Variants in TNFRSF25 observed in about 807,000 individuals in gnomAD.
TNFRSF25 encodes the protein TNF receptor superfamily member 25, also known as tumor necrosis factor receptor superfamily member 25.
A neutral mutation model predicts 49.4 loss-of-function variants in TNFRSF25; 28 were observed. The observed-to-expected ratio is 0.57, with a 90% confidence interval of 0.42 to 0.78. The LOEUF is 0.78. Among genes scored for constraint, TNFRSF25 ranks in the 30% least tolerant of loss-of-function variants. TNFRSF25 has a pLI of 0.00. For synonymous variants in TNFRSF25, 240 were observed against 234.2 expected (o/e 1.02, Z -0.23); for missense variants, 531 against 581.6 (o/e 0.91, Z 0.90).
Position 6,464,736 on chromosome 1 carries a change from G to A in TNFRSF25, c.296-17C>T. 6.2e-7 allele frequency: 1 copy of A among 1,610,130 alleles called. No individual in the cohort carries two copies. The highest frequency in any genetic ancestry group is 8.5e-7 in the Non-Finnish European group (1 of 1,177,616). ...CCTGGGAGGCTGGTGGGGGTGCAGG[G>A]AGATGGGGAGTGGAGAGTTAGTCAG... On this transcript the variant is annotated splice_polypyrimidine_tract_variant and intron_variant, in intron 3 of 9. Coordinates refer to ENST00000356876, the MANE Select transcript of TNFRSF25 (RefSeq NM_003790.3).
chr1:6,462,237 G>A lies in TNFRSF25; in HGVS notation c.745-63C>T. On this transcript the variant is annotated intron_variant, in intron 8 of 9. Transcript: ENST00000356876. This position sits in a 1 kb window ranked among gnomAD's most constrained non-coding sequence, Gnocchi z 4.2. ...CCAAGTAAGGCCCCTTACCCGCAGT[G>A]CCTCTCCAGGAGGGGACAGTCCCTG... 1 of 1,534,796 alleles carries A rather than the reference G, an allele frequency of 6.5e-7. No homozygotes were observed. Among genetic ancestry groups the A allele is most frequent in the Non-Finnish European group, 8.8e-7 (1 of 1,141,212 alleles).
intron 1 of TNFRSF25, 81 bp downstream of exon 1, chr1:6,465,988 A>T: frequency 6.6e-7 from 1 of 1,511,330 alleles, no homozygotes; most frequent in Non-Finnish European, 8.9e-7. Context: ...TGGAGTGGAG[A>T]CGCGCCCGGG....
At position 6,461,912 on chromosome 1, in the gene TNFRSF25, A is replaced by G; in HGVS notation, c.925+82T>C. 2.0e-6 allele frequency: 3 copies of G among 1,520,646 alleles called. No individual in the cohort carries two copies. Among genetic ancestry groups the G allele is most frequent in the Non-Finnish European group, 2.6e-6 (3 of 1,138,538 alleles). 94.2% of individuals were successfully genotyped at this position (1,520,646 alleles called of 1,614,324 possible). On this transcript the variant is annotated intron_variant, in intron 9 of 9. Transcript: ENST00000356876. This position sits in a 1 kb window ranked among gnomAD's most constrained non-coding sequence, Gnocchi z 6.3. Reference sequence around the variant, plus strand: ...CGGACTCCGTCAGTTAGGGGGCAGAAAGGGAACACGTTGTGAAACCACAAC... The same window carrying G: ...CGGACTCCGTCAGTTAGGGGGCAGAGAGGGAACACGTTGTGAAACCACAAC...
At chr1:6,464,004 GCCC>G (rs934103000) in intron 5 of TNFRSF25, 2 of 468,428 alleles carry the variant, frequency 4.3e-6, no homozygotes, top group Admixed American at 5.3e-5. Flanking sequence ...TCGCTCTGTT[GCCC>G]AGGCTGAAGT....
intron 5 of TNFRSF25, 151 bp downstream of exon 5, chr1:6,464,224 T>C (rs1022653765): frequency 1.3e-6 from 2 of 1,483,100 alleles, no homozygotes; most frequent in Non-Finnish European, 1.8e-6. Flanking sequence ...CATCTAAGTT[T>C]GCCTGAAGTG....
chr1:6,460,834 A>ATCTC lies in TNFRSF25; in HGVS notation c.*599_*600insGAGA. 1 of 254,986 alleles carries ATCTC rather than the reference A, an allele frequency of 3.9e-6. No homozygotes were observed. Among genetic ancestry groups the ATCTC allele is most frequent in the Admixed American group, 5.2e-5 (1 of 19,166 alleles). 15.8% of individuals were successfully genotyped at this position (254,986 alleles called of 1,614,324 possible). On this transcript the variant is annotated 3_prime_UTR_variant, in exon 10 of 10. Coordinates refer to ENST00000356876, the MANE Select transcript of TNFRSF25 (RefSeq NM_003790.3). ...TTCACTGCCCCGGTGGAGTGAATAG[A>ATCTC]GGATGAGGGGCCCTGACCCTGTGTC...
intron 2 of TNFRSF25, 62 bp downstream of exon 2, chr1:6,465,378 C>T: frequency 6.3e-7 from 1 of 1,595,414 alleles, no homozygotes; most frequent in Non-Finnish European, 8.6e-7. Flanking sequence ...ACCTCCCGGG[C>T]CTGCCCGCCA....
rs759861659 is a variant in TNFRSF25, at chr1:6,461,989, C to T, written c.925+5G>A. 6.2e-7 allele frequency: 1 copy of T among 1,603,306 alleles called. No homozygotes were observed. Among genetic ancestry groups the T allele is most frequent in the Non-Finnish European group, 8.5e-7 (1 of 1,176,050 alleles). On this transcript the variant is annotated splice_donor_5th_base_variant and intron_variant, in intron 9 of 9. Transcript: ENST00000356876. The surrounding 1 kb of genome is among the most constrained non-coding windows in gnomAD (Gnocchi z 6.3). ...TCAAGGCCTCAGGCCACTGATGTCC[C>T]TTACCAAGAGCTCTGCTGGGCAACT...
chr1:6,465,018 C>T (rs966810958), intron 3 of TNFRSF25, 70 bp downstream of exon 3: 12 of 1,556,384 alleles, frequency 7.7e-6, no homozygotes, highest in East Asian at 2.2e-5. Flanking sequence ...AGTTTGGGCC[C>T]GAGCCAGCCA....
chr1:6,463,486 G>A (rs1024479354), intron 5 of TNFRSF25: 6 of 243,014 alleles, frequency 2.5e-5, no homozygotes, highest in African/African-American at 9.0e-5. Flanking sequence ...CAGCACTTTG[G>A]GAGGCCAAGG....
At chr1:6,464,797 CCCAA>C in intron 3 of TNFRSF25, 78 bp from the exon 4 acceptor site, 1 of 1,526,250 alleles carries the variant, frequency 6.6e-7, no homozygotes, top group Non-Finnish European at 8.9e-7. Flanking sequence ...GAGGCATTAT[CCCAA>C]GATAATGGAG....
intron 3 of TNFRSF25, 145 bp from the exon 4 acceptor site, chr1:6,464,864 A>C (rs1004216535): frequency 9.7e-6 from 12 of 1,232,850 alleles, no homozygotes; most frequent in South Asian, 1.5e-5. Flanking sequence ...AAAAGAGAGA[A>C]GCTCAGAGAT....
chr1:6,463,464 T>A (rs2986757), intron 5 of TNFRSF25: 1 of 308,798 alleles, frequency 3.2e-6, no homozygotes, highest in East Asian at 6.9e-5. Context: ...CGGTGGCTCA[T>A]GCCTGTAATC....
In TNFRSF25 at chr1:6,462,528, G is replaced by C; in HGVS notation, c.744+101C>G. On this transcript the variant is annotated intron_variant, in intron 8 of 9. Coordinates refer to ENST00000356876, the MANE Select transcript of TNFRSF25 (RefSeq NM_003790.3). This position sits in a 1 kb window ranked among gnomAD's most constrained non-coding sequence, Gnocchi z 4.2. The stretch of plus-strand genomic sequence containing the variant: ...TGCTCCCAACACCTCTGTCCACTAG[G>C]GCTACCCGGTGCTGGCCGCGTGCCA... The C allele has an allele frequency of 6.4e-7, 1 of 1,551,538 alleles. No homozygotes were observed. The highest frequency in any genetic ancestry group is 8.7e-7 in the Non-Finnish European group (1 of 1,150,308).
At chr1:6,465,807 C>A in intron 1 of TNFRSF25, 1 of 1,424,536 alleles carries the variant, frequency 7.0e-7, no homozygotes, top group Non-Finnish European at 9.1e-7. Context: ...AGGAATCCAG[C>A]AGCGCCCCCA....
Position 6,462,619 on chromosome 1 carries a change from A to G in TNFRSF25, c.744+10T>C, listed in dbSNP as rs369691081. 13 of 1,612,602 alleles carry G rather than the reference A, an allele frequency of 8.1e-6. No homozygotes were observed. The African/African-American group carries it at 1.5e-4, about 18-fold the overall frequency. ...GAAGGCAGCCCAGAATCACACAGTG[A>G]GGTTCTTACCGGTGGTGGGGTCAGA... On this transcript the variant is annotated intron_variant, in intron 8 of 9. Transcript: ENST00000356876. The surrounding 1 kb of genome is among the most constrained non-coding windows in gnomAD (Gnocchi z 4.2).
intron 4 of TNFRSF25, 21 bp downstream of exon 4, chr1:6,464,531 G>A (rs371918747): frequency 2.5e-6 from 4 of 1,613,868 alleles, no homozygotes; most frequent in Non-Finnish European, 3.4e-6. Flanking sequence ...GGAGTAGAGA[G>A]CCCTGGGTGG....
chr1:6,462,253 A>T lies in TNFRSF25; in HGVS notation c.745-79T>A, dbSNP rs561422399. The T allele has an allele frequency of 6.6e-7, 1 of 1,507,986 alleles. No individual in the cohort carries two copies. Among genetic ancestry groups the T allele is most frequent in the African/African-American group, 1.4e-5 (1 of 71,830 alleles). 93.4% of individuals were successfully genotyped at this position (1,507,986 alleles called of 1,614,324 possible). A position where few individuals can be genotyped will look rare whatever the true frequency, so the allele number is the denominator to read the frequency against. On this transcript the variant is annotated intron_variant, in intron 8 of 9. Coordinates refer to ENST00000356876, the MANE Select transcript of TNFRSF25 (RefSeq NM_003790.3). This position sits in a 1 kb window ranked among gnomAD's most constrained non-coding sequence, Gnocchi z 4.2. Reference sequence around the variant, plus strand: ...ACCCGCAGTGCCTCTCCAGGAGGGGACAGTCCCTGGTTCAGTCAGCAGACA... The same window carrying T: ...ACCCGCAGTGCCTCTCCAGGAGGGGTCAGTCCCTGGTTCAGTCAGCAGACA...
At chr1:6,464,858 G>C (rs931361849) in intron 3 of TNFRSF25, 139 bp from the exon 4 acceptor site, 1 of 1,251,044 alleles carries the variant, frequency 8.0e-7, no homozygotes, top group Non-Finnish European at 1.1e-6. Context: ...CCCTAAAAAA[G>C]AGAGAAGCTC....
Sources: gnomAD v4.1 joint callset for allele counts on GRCh38, gnomAD v4.1.1 for gene constraint, Gnocchi (gnomAD v3.1) non-coding constraint, MANE v1.5 for transcripts, NCBI Gene and HGNC (gene_info 2026-07-23, HGNC 2026-07-21) for gene names.